MPZL1: variants seen among roughly 807,000 people sequenced by gnomAD.
MPZL1 encodes the protein myelin protein zero-like protein 1.
MPZL1 carries 16 observed loss-of-function variants against 29.3 expected under a neutral mutation model. That is an observed-to-expected ratio of 0.55 (90% CI 0.37 to 0.83). MPZL1 has a LOEUF of 0.83. Among genes scored for constraint, MPZL1 ranks in the 40% least tolerant of loss-of-function variants. MPZL1 has a pLI of 0.00. For synonymous variants in MPZL1, 143 were observed against 132.0 expected (o/e 1.08, Z -0.57); for missense variants, 279 against 332.9 (o/e 0.84, Z 1.26).
chr1:167,735,120 T>G (rs1026044555), intron 1 of MPZL1, among the ~76,000 whole-genome samples: 1 of 152,222 alleles, frequency 6.6e-6, no homozygotes, highest in Non-Finnish European at 1.5e-5. Context: ...GCTGGGAATT[T>G]GAATCCCTGA....
At chr1:167,733,854 A>G (rs964103641) in intron 1 of MPZL1, among the ~76,000 whole-genome samples, 9 of 151,872 alleles carry the variant, frequency 5.9e-5, no homozygotes, top group East Asian at 1.9e-4. Flanking sequence ...GCAGTGAGCT[A>G]TGATTGAGCC....
intron 1 of MPZL1, among the ~76,000 whole-genome samples, chr1:167,736,170 C>G (rs1660373278): frequency 6.6e-6 from 1 of 152,186 alleles, no homozygotes; most frequent in Non-Finnish European, 1.5e-5. Context: ...CTGTCTTCTT[C>G]AAGTCTTCAT....
At chr1:167,746,533 A>G (rs1206132497) in intron 1 of MPZL1, among the ~76,000 whole-genome samples, 1 of 152,186 alleles carries the variant, frequency 6.6e-6, no homozygotes, top group Non-Finnish European at 1.5e-5. Flanking sequence ...GAGTTCTCCA[A>G]AATGGAAAGG....
At chr1:167,751,787 TTAG>T (rs1215001169) in intron 1 of MPZL1, among the ~76,000 whole-genome samples, 1 of 152,200 alleles carries the variant, frequency 6.6e-6, no homozygotes, top group East Asian at 1.9e-4. Flanking sequence ...ATTTCATTTG[TTAG>T]TAGTATTGTT....
At chr1:167,769,428 G>A (rs969408334) in intron 2 of MPZL1, among the ~76,000 whole-genome samples, 1 of 152,182 alleles carries the variant, frequency 6.6e-6, no homozygotes, top group Admixed American at 6.5e-5. Flanking sequence ...CTGAGCTTGG[G>A]GTTCCTCGGC....
intron 1 of MPZL1, among the ~76,000 whole-genome samples, chr1:167,743,900 C>A (rs570030822): frequency 1.3e-5 from 2 of 152,112 alleles, no homozygotes; most frequent in Admixed American, 6.6e-5. Context: ...CCCTTTATTT[C>A]TTTCTCTTGT....
chr1:167,755,477 T>C (rs911258275), intron 1 of MPZL1, among the ~76,000 whole-genome samples: 12 of 152,250 alleles, frequency 7.9e-5, no homozygotes, highest in African/African-American at 2.9e-4. Context: ...TATTTTCTTA[T>C]CTATCAGATA....
At chr1:167,772,553 C>G (rs764763875) in intron 3 of MPZL1, 65 bp downstream of exon 3, 19 of 1,425,958 alleles carry the variant, frequency 1.3e-5, no homozygotes, top group Admixed American at 7.4e-5. Flanking sequence ...GGTTGGAAAA[C>G]ATGAGTTGCA....
rs546398965 is a variant in MPZL1 at position 167,759,154 on chromosome 1, T to A, written c.92-6429T>A. Among the ~76,000 whole-genome samples the A allele has an allele frequency of 1.8e-4, 28 of 152,336 alleles. No individual in the cohort carries two copies. In the South Asian group the frequency reaches 5.6e-3, roughly 30 times the overall value. On this transcript the variant is annotated intron_variant, in intron 1 of 5. Transcript: ENST00000359523. ...TTTGCCACTATGCCATAATTATAAATCCTTGGCCTCAAAGAAACCTATTTA... is the reference window on the plus strand; with the variant it reads ...TTTGCCACTATGCCATAATTATAAAACCTTGGCCTCAAAGAAACCTATTTA...
At chr1:167,769,200 A>G (rs1176538660) in intron 2 of MPZL1, among the ~76,000 whole-genome samples, 2 of 152,100 alleles carry the variant, frequency 1.3e-5, no homozygotes, top group Non-Finnish European at 2.9e-5. Flanking sequence ...ACAGTTTTCT[A>G]TGGGTCTTTC....
intron 1 of MPZL1, among the ~76,000 whole-genome samples, chr1:167,739,441 C>T (rs1660469804): frequency 6.6e-6 from 1 of 151,426 alleles, no homozygotes; most frequent in African/African-American, 2.4e-5. Flanking sequence ...TGGTGGTGTG[C>T]AGAGTGTTAC....
At chr1:167,756,187 C>T (rs1018886651) in intron 1 of MPZL1, among the ~76,000 whole-genome samples, 2 of 151,828 alleles carry the variant, frequency 1.3e-5, no homozygotes, top group Non-Finnish European at 2.9e-5. Flanking sequence ...CTCACTCTGT[C>T]ACACAGGCTG....
At chr1:167,737,753 G>A (rs908456915) in intron 1 of MPZL1, among the ~76,000 whole-genome samples, 1 of 152,158 alleles carries the variant, frequency 6.6e-6, no homozygotes, top group Non-Finnish European at 1.5e-5. Flanking sequence ...GTGATGCAGT[G>A]TGCTGACAAT....
intron 1 of MPZL1, among the ~76,000 whole-genome samples, chr1:167,741,685 T>C (rs568794082): frequency 1.7e-4 from 26 of 152,236 alleles, no homozygotes; most frequent in African/African-American, 5.8e-4. Flanking sequence ...CTCCATTTTC[T>C]ACATAGCAGC....
chr1:167,752,068 G>T (rs1660770802), intron 1 of MPZL1, among the ~76,000 whole-genome samples: 1 of 152,180 alleles, frequency 6.6e-6, no homozygotes, highest in Non-Finnish European at 1.5e-5. Flanking sequence ...TCTGAATTCA[G>T]ACTACCTTTT....
chr1:167,753,567 G>A (rs1295284220), intron 1 of MPZL1, among the ~76,000 whole-genome samples: 1 of 152,044 alleles, frequency 6.6e-6, no homozygotes, highest in Admixed American at 6.5e-5. Context: ...TGATTGGTTT[G>A]TGGTTAGGCC....
intron 1 of MPZL1, among the ~76,000 whole-genome samples, chr1:167,739,900 C>G (rs189279708): frequency 6.6e-6 from 1 of 152,144 alleles, no homozygotes; most frequent in South Asian, 2.1e-4. Flanking sequence ...AGTTTCACTA[C>G]GACAGTTTCT....
At chr1:167,733,873 C>T (rs1660319839) in intron 1 of MPZL1, among the ~76,000 whole-genome samples, 2 of 151,848 alleles carry the variant, frequency 1.3e-5, no homozygotes, top group Middle Eastern at 3.4e-3. Context: ...CCACTGCACT[C>T]TAGCCTGCAA....
At chr1:167,769,697 G>A (rs2101786811) in intron 2 of MPZL1, among the ~76,000 whole-genome samples, 2 of 152,228 alleles carry the variant, frequency 1.3e-5, no homozygotes, top group East Asian at 3.9e-4. Context: ...AAGCATTTAG[G>A]TCATATGAAA....
Sources: allele counts gnomAD v4.1 joint callset (sites outside exome capture counted in the v4.1 genomes callset), GRCh38; gene constraint gnomAD v4.1.1; transcripts MANE v1.5; gene names NCBI Gene and HGNC (gene_info 2026-07-23, HGNC 2026-07-21).